The following WDR90 variants were observed in gnomAD, a reference collection of about 807,000 sequenced individuals.
WDR90 encodes WD repeat-containing protein 90.
In WDR90, 238 loss-of-function variants were observed where a neutral mutation model predicts 195.2. The ratio of observed to expected loss-of-function variants is 1.22; its 90% CI spans 1.10 to 1.36. WDR90 has a LOEUF of 1.36. Ranked by LOEUF, WDR90 falls within the 40% of genes most tolerant of loss-of-function variation. The pLI, the probability that WDR90 is intolerant of heterozygous loss-of-function variation, is 0.00. For synonymous variants in WDR90, 1,265 were observed against 1,052.4 expected (o/e 1.20, Z -3.91); for missense variants, 2,734 against 2,439.5 (o/e 1.12, Z -2.54).
chr16:661,102 C>G lies in WDR90; in HGVS notation c.3443C>G (p.Ser1148Cys). 8 of 1,563,654 alleles carry G rather than the reference C, an allele frequency of 5.1e-6. No individual in the cohort carries two copies. Among genetic ancestry groups the G allele is most frequent in the African/African-American group, 2.8e-5 (2 of 72,004 alleles). The change falls in exon 29 of 41, where the codon TCT becomes TGT. Residue 1148 changes from serine (S) to cysteine (C), a missense_variant. Coordinates refer to ENST00000293879, the MANE Select transcript of WDR90 (RefSeq NM_145294.5). ...GRLVVVEDLH[S>C]GAQQHWSGHS... ...CTGGTGGTGGTGGAGGACCTGCACT[C>G]TGGCGCCCAGCAGCACTGGTCCGGC... is the stretch of plus-strand genomic sequence containing the variant.
In WDR90 at chr16:661,893, G is replaced by A; in HGVS notation, c.3867G>A (p.Val1289=). The change falls in exon 32 of 41, where the codon GTG becomes GTA. Residue 1289 remains valine (V), a splice_region_variant and synonymous_variant. Coordinates refer to ENST00000293879, the MANE Select transcript of WDR90 (RefSeq NM_145294.5). The part of the protein sequence containing the change: ...QQRGADISLQ[V]RREPVPEAVG... ...TGGCCACTCTCATACTTTGCCAGGT[G>A]CGTCGAGAGCCAGTCCCAGAGGCAG... The A allele has an allele frequency of 6.2e-7, 1 of 1,607,100 alleles. No individual in the cohort carries two copies. Among genetic ancestry groups the A allele is most frequent in the Non-Finnish European group, 8.5e-7 (1 of 1,176,358 alleles).
rs376590510 is a variant in WDR90, at chr16:652,452, G to C, written c.1054-15G>C. The C allele has an allele frequency of 8.1e-6, 13 of 1,596,754 alleles. No individual in the cohort carries two copies. The highest frequency in any genetic ancestry group is 1.0e-5 in the Non-Finnish European group (12 of 1,170,402). ...GCTGAGCCTCCCAGGACTTTGATGC[G>C]AATGGCTGTTTCAGGGCTTCCTCCC... On this transcript the variant is annotated splice_polypyrimidine_tract_variant and intron_variant, in intron 9 of 40. Transcript: ENST00000293879.
rs1596466081 is a variant in WDR90 at position 659,954 on chromosome 16, A to T, written c.3185-104A>T. 4.6e-6 allele frequency: 4 copies of T among 875,618 alleles called. No homozygotes were observed. The East Asian group carries it at 8.3e-5, about 18-fold the overall frequency. The allele number at this position is 875,618 out of a possible 1,614,324, so 54.2% of individuals were successfully genotyped here. On this transcript the variant is annotated intron_variant, in intron 26 of 40. Coordinates refer to ENST00000293879, the MANE Select transcript of WDR90 (RefSeq NM_145294.5). ...GCCTGTGCCCCGCCGTGCAGTTCTCACTGTGTGGTAGACCAGGGGCTTGTG... is the reference window on the plus strand; with the variant it reads ...GCCTGTGCCCCGCCGTGCAGTTCTCTCTGTGTGGTAGACCAGGGGCTTGTG...
intron 10 of WDR90, 113 bp downstream of exon 10, chr16:652,648 C>T (rs1156632547): frequency 2.6e-6 from 3 of 1,154,570 alleles, no homozygotes; most frequent in East Asian, 3.0e-5. Flanking sequence ...GTGTGGGCTC[C>T]CGAGCCCCCC....
chr16:657,944 C>A, intron 21 of WDR90, 52 bp downstream of exon 21: 1 of 1,496,648 alleles, frequency 6.7e-7, no homozygotes, highest in Non-Finnish European at 8.9e-7. Flanking sequence ...GAGAGGCTGG[C>A]TGCAGGGGCA....
At chr16:657,650 C>A in intron 20 of WDR90, 112 bp from the exon 21 acceptor site, 1 of 1,377,708 alleles carries the variant, frequency 7.3e-7, no homozygotes, top group Non-Finnish European at 9.5e-7. Context: ...CGTCTGTGCT[C>A]CGGGGCTGGT....
Position 656,407 on chromosome 16 carries a change from T to G in WDR90, c.2072T>G (p.Val691Gly), listed in dbSNP as rs778688594. The G allele has an allele frequency of 5.1e-5, 82 of 1,607,576 alleles. No individual in the cohort carries two copies. Among genetic ancestry groups the G allele is most frequent in the Non-Finnish European group, 6.5e-5 (77 of 1,179,144 alleles). Residue 691 changes from valine (V) to glycine (G), a missense_variant, in exon 18 of 41, where the codon GTG becomes GGG. Val to Gly is a moderately radical substitution (Grantham distance 109, BLOSUM62 -3). Coordinates refer to ENST00000293879, the MANE Select transcript of WDR90 (RefSeq NM_145294.5). ...HLGFLDTLSR[V>G]YHMLARSHTA... ...GGCTTCCTGGACACGCTGTCCCGGG[T>G]GTACCACATGCTGGCTCGCTCCCAC...
chr16:657,807 C>T lies in WDR90; in HGVS notation c.2519C>T (p.Ala840Val), dbSNP rs1026719829. 2.6e-6 allele frequency: 4 copies of T among 1,561,550 alleles called. No individual in the cohort carries two copies. The South Asian group carries it at 4.7e-5, about 18-fold the overall frequency. Residue 840 changes from alanine to valine, a missense_variant, in exon 21 of 41, where the codon GCA (alanine) becomes GTA (valine). Physicochemically the swap from Ala to Val is moderately conservative, Grantham distance 64. Coordinates refer to ENST00000293879, the MANE Select transcript of WDR90 (RefSeq NM_145294.5). ...GCCCCCGCGAGCCCCAGCGCCCTGG[C>T]AGTCAGCAGGGATGGCCGCCTGCTG... is the stretch of plus-strand genomic sequence containing the variant. ...PDAPASPSAL[A>V]VSRDGRLLAF...
rs775338307 is a variant in WDR90 at position 650,289 on chromosome 16, CTT to C, written c.316_317del (p.Phe106GlnfsTer4). On this transcript the variant is annotated frameshift_variant, in exon 4 of 41. Coordinates refer to ENST00000293879, the MANE Select transcript of WDR90 (RefSeq NM_145294.5). LOFTEE classifies it high-confidence loss of function. Reference sequence around the variant, plus strand: ...TCATCCGTGTGTCTTTCTCCAACCTCTTCAAGGAGTTTAAGTCTACGGCCACG... The same window carrying C: ...TCATCCGTGTGTCTTTCTCCAACCTCCAAGGAGTTTAAGTCTACGGCCACG... ...QVIRVSFSNL[F>X]KEFKSTATWL... 2 of 1,612,914 alleles carry C rather than the reference CTT, an allele frequency of 1.2e-6. No individual in the cohort carries two copies. The highest frequency in any genetic ancestry group is 2.7e-5 in the African/African-American group (2 of 74,942).
In WDR90 at chr16:658,377, C is replaced by T. The variant is rs762052709; in HGVS notation, c.2766+33C>T. Reference sequence around the variant, plus strand: ...TCAGGGCTGTGGCCCGCCGACCTGGCCCTCCCTGTGCTGTCCAGGCCTGGC... The same window carrying T: ...TCAGGGCTGTGGCCCGCCGACCTGGTCCTCCCTGTGCTGTCCAGGCCTGGC... On this transcript the variant is annotated intron_variant, in intron 22 of 40. Coordinates refer to ENST00000293879, the MANE Select transcript of WDR90 (RefSeq NM_145294.5). 5 of 1,607,686 alleles carry T rather than the reference C, an allele frequency of 3.1e-6. No individual in the cohort carries two copies. In the Admixed American group the frequency reaches 6.7e-5, roughly 22 times the overall value.
At position 649,375 on chromosome 16, in the gene WDR90, G is replaced by T; in HGVS notation, c.-42G>T. 2 of 1,330,094 alleles carry T rather than the reference G, an allele frequency of 1.5e-6. No individual in the cohort carries two copies. Among genetic ancestry groups the T allele is most frequent in the South Asian group, 3.8e-5 (2 of 52,012 alleles). 82.4% of individuals were successfully genotyped at this position (1,330,094 alleles called of 1,614,324 possible). A position where few individuals can be genotyped will look rare whatever the true frequency, so the allele number is the denominator to read the frequency against. On this transcript the variant is annotated 5_prime_UTR_variant, in exon 1 of 41. Transcript: ENST00000293879. ...GGCGTCGCGGGGCGTACTCTGCGCT[G>T]GGCGCGCGGAGGCCTAGGCGGGAAG... is the stretch of plus-strand genomic sequence containing the variant.
Position 653,438 on chromosome 16 carries a change from G to C in WDR90, c.1220G>C (p.Gly407Ala). The C allele has an allele frequency of 6.2e-7, 1 of 1,612,208 alleles. No homozygotes were observed. Among genetic ancestry groups the C allele is most frequent in the South Asian group, 1.1e-5 (1 of 91,056 alleles). ...ACGGGGGAGCAGCGCTTCTTCCTTG[G>C]CCACACAGACAAGGTGGGTGCTGCC... ...VDTGEQRFFLGHTDKVSALAL... is the reference protein window; with the variant it reads ...VDTGEQRFFLAHTDKVSALAL... The change falls in exon 11 of 41, where the codon GGC becomes GCC. Residue 407 changes from glycine (G) to alanine (A), a missense_variant. Gly to Ala is a moderately conservative substitution (Grantham distance 60). Transcript: ENST00000293879.
intron 28 of WDR90, 160 bp from the exon 29 acceptor site, chr16:660,891 T>A (rs1254907497): frequency 2.7e-6 from 2 of 740,254 alleles, no homozygotes. Context: ...GCACTTTGGC[T>A]ACTGGACGCT....
chr16:666,370 T>C lies in WDR90; in HGVS notation c.4740+20T>C, dbSNP rs1301163471. On this transcript the variant is annotated intron_variant, in intron 37 of 40. Transcript: ENST00000293879. ...AAAGAGGTAAAGCAGCCCCAAGAGC[T>C]GGGGAGAGGGGGCCTGGGTGCTGGT... 2 of 1,611,992 alleles carry C rather than the reference T, an allele frequency of 1.2e-6. No individual in the cohort carries two copies. The highest frequency in any genetic ancestry group is 1.7e-6 in the Non-Finnish European group (2 of 1,179,552).
chr16:666,911 G>A lies in WDR90; in HGVS notation c.5011G>A (p.Glu1671Lys), dbSNP rs1567226267. 1 of 1,612,774 alleles carries A rather than the reference G, an allele frequency of 6.2e-7. No individual in the cohort carries two copies. The highest frequency in any genetic ancestry group is 1.7e-5 in the Admixed American group (1 of 59,994). The stretch of plus-strand genomic sequence containing the variant: ...TCACGCTGGCTGCTCACAGGTGGTG[G>A]AGAAGATACCACTGCCCTTTTTTGC... ...IYNLCQKQVV[E>K]KIPLPFFAMS... The change falls in exon 40 of 41, where the codon GAG (glutamate) becomes AAG (lysine). Residue 1671 changes from glutamate to lysine, a missense_variant. By Grantham distance (56) the Glu-to-Lys change is moderately conservative. Coordinates refer to ENST00000293879, the MANE Select transcript of WDR90 (RefSeq NM_145294.5).
At position 662,291 on chromosome 16, in the gene WDR90, G is replaced by T; in HGVS notation, c.4105G>T (p.Gly1369Trp). ...STGRLRLWAV[G>W]AVSELRCKGS... ...GGGGCGGCTGCGCCTGTGGGCCGTG[G>T]GGGCTGTGTCGGAGCTGAGGTGCAA... Residue 1369 changes from glycine to tryptophan, a missense_variant, in exon 33 of 41, where the codon GGG becomes TGG. Physicochemically the swap from Gly to Trp is radical, Grantham distance 184. Transcript: ENST00000293879. 1.3e-6 allele frequency: 2 copies of T among 1,581,666 alleles called. No homozygotes were observed. The highest frequency in any genetic ancestry group is 4.6e-5 in the East Asian group (2 of 43,332).
chr16:658,122 C>T (rs2037800452), intron 21 of WDR90, 61 bp from the exon 22 acceptor site: 11 of 1,563,232 alleles, frequency 7.0e-6, no homozygotes, highest in South Asian at 3.5e-5. Flanking sequence ...CGAGCCTGAC[C>T]CTGGGTGGCA....
intron 23 of WDR90, 116 bp from the exon 24 acceptor site, chr16:658,780 A>T: frequency 6.4e-7 from 1 of 1,553,752 alleles, no homozygotes; most frequent in Middle Eastern, 2.3e-4. Context: ...CCCCCCAAGG[A>T]TCCTCTGTGC....
Position 649,773 on chromosome 16 carries a change from C to G in WDR90, c.21C>G (p.His7Gln). 1 of 1,561,788 alleles carries G rather than the reference C, an allele frequency of 6.4e-7. No individual in the cohort carries two copies. The highest frequency in any genetic ancestry group is 1.2e-5 in the South Asian group (1 of 85,298). Residue 7 changes from histidine (H) to glutamine (Q), a missense_variant, in exon 2 of 41, where the codon CAC becomes CAG. By Grantham distance (24) the His-to-Gln change is conservative. Coordinates refer to ENST00000293879, the MANE Select transcript of WDR90 (RefSeq NM_145294.5). MARAWQ[H>Q]PFLNVFRHFR... ...GCCCGCTCCCCGCAGCGTGGCAGCA[C>G]CCGTTCCTCAACGTCTTCAGACACT... is the stretch of plus-strand genomic sequence containing the variant.
Sources: gnomAD v4.1 joint callset for allele counts on GRCh38, gnomAD v4.1.1 for gene constraint, MANE v1.5 for transcripts, NCBI Gene and HGNC (gene_info 2026-07-23, HGNC 2026-07-21) for gene names.